SYNE2: variants seen among roughly 807,000 people sequenced by gnomAD.
The protein encoded by SYNE2 is nesprin-2.
A neutral mutation model predicts 856.3 loss-of-function variants in SYNE2; 431 were observed. That is an observed-to-expected ratio of 0.50 (90% confidence interval 0.47 to 0.55). The LOEUF is 0.55. Ranked by LOEUF, SYNE2 falls within the 20% of genes least tolerant of loss-of-function variation. The probability of loss-of-function intolerance (pLI) is 0.00; values close to 1 mark genes in which losing one functional copy is unlikely to be tolerated. For missense variants in SYNE2, 8,129 were observed against 8,023.2 expected (o/e 1.01, Z -0.50); for synonymous variants, 2,923 against 2,872.3 (o/e 1.02, Z -0.56).
At chr14:63,971,426 A>G (rs2096475405) in intron 11 of SYNE2, among the ~76,000 whole-genome samples, 2 of 152,082 alleles carry the variant, frequency 1.3e-5, no homozygotes, top group South Asian at 4.1e-4. Context: ...TTAGAGTTGT[A>G]CAATATCTAA....
intron 71 of SYNE2, among the ~76,000 whole-genome samples, chr14:64,125,758 G>A (rs889670847): frequency 3.3e-5 from 5 of 152,110 alleles, no homozygotes; most frequent in Admixed American, 2.0e-4. Context: ...CTCACCAGGC[G>A]CAATGCATGA....
rs575027831 is a variant in SYNE2 at position 64,024,560 on chromosome 14, A to G, written c.5840+101A>G. 35 of 1,139,530 alleles carry G rather than the reference A, an allele frequency of 3.1e-5. 1 individual carries two copies. In the East Asian group the frequency reaches 7.8e-4, roughly 25 times the overall value. The allele number at this position is 1,139,530 out of a possible 1,614,324, so 70.6% of individuals were successfully genotyped here. On this transcript the variant is annotated intron_variant, in intron 39 of 115. Coordinates refer to ENST00000555002, the MANE Select transcript of SYNE2 (RefSeq NM_182914.3). The stretch of plus-strand genomic sequence containing the variant: ...AGCACTGGGATACGCAGTACACACA[A>G]ATTTCACACACAAAAGGCGTACTTT...
Position 63,990,923 on chromosome 14 carries a change from GAATTTTTT to G in SYNE2, c.2473-18_2473-11del. 1.2e-6 allele frequency: 2 copies of G among 1,612,804 alleles called. No individual in the cohort carries two copies. Among genetic ancestry groups the G allele is most frequent in the Non-Finnish European group, 1.7e-6 (2 of 1,178,918 alleles). On this transcript the variant is annotated splice_polypyrimidine_tract_variant and intron_variant, in intron 20 of 115. Coordinates refer to ENST00000555002, the MANE Select transcript of SYNE2 (RefSeq NM_182914.3). ...AGAATTGGTCCCCGTGTTAATTTGA[GAATTTTTT>G]TGTCTTCAAGATCAATGTGGTAAAA...
chr14:63,910,589 G>A (rs2095461135), intron 2 of SYNE2, among the ~76,000 whole-genome samples: 1 of 152,136 alleles, frequency 6.6e-6, no homozygotes, highest in Non-Finnish European at 1.5e-5. Flanking sequence ...ATGATGTTTT[G>A]GTTGCATGTA....
intron 80 of SYNE2, 68 bp from the exon 81 acceptor site, chr14:64,141,273 G>A: frequency 7.6e-7 from 1 of 1,315,454 alleles, no homozygotes; most frequent in African/African-American, 1.5e-5. Flanking sequence ...ACTCTAGCCA[G>A]TTATTCCGAC....
intron 64 of SYNE2, among the ~76,000 whole-genome samples, chr14:64,105,024 A>G (rs2097762077): frequency 6.6e-6 from 1 of 152,088 alleles, no homozygotes; most frequent in African/African-American, 2.4e-5. Flanking sequence ...TTGGAGTTCT[A>G]CTAGGTGCCT....
At position 64,075,941 on chromosome 14, in the gene SYNE2, T is replaced by C; in HGVS notation, c.10867-4T>C. ...GAGTATTGCAACTCTCTTAATGCTT[T>C]TAGGAGCTTCAAAGCATCCTTAAGA... is the stretch of plus-strand genomic sequence containing the variant. On this transcript the variant is annotated splice_region_variant and splice_polypyrimidine_tract_variant and intron_variant, in intron 53 of 115. Coordinates refer to ENST00000555002, the MANE Select transcript of SYNE2 (RefSeq NM_182914.3). The C allele has an allele frequency of 1.2e-6, 2 of 1,613,658 alleles. No individual in the cohort carries two copies. The highest frequency in any genetic ancestry group is 1.1e-5 in the South Asian group (1 of 91,060).
intron 1 of SYNE2, among the ~76,000 whole-genome samples, chr14:63,772,082 G>A (rs1171435188): frequency 6.6e-6 from 1 of 152,230 alleles, no homozygotes; most frequent in Non-Finnish European, 1.5e-5. Flanking sequence ...GCTGGGTGTG[G>A]TGGCTCATGC....
intron 30 of SYNE2, among the ~76,000 whole-genome samples, chr14:64,005,293 A>G (rs546545019): frequency 1.9e-4 from 29 of 152,320 alleles, no homozygotes; most frequent in Admixed American, 1.6e-3. Context: ...AGACATGGGA[A>G]GTCTGGTTTG....
At chr14:63,877,771 G>A (rs1262839099) in intron 1 of SYNE2, among the ~76,000 whole-genome samples, 2 of 151,992 alleles carry the variant, frequency 1.3e-5, no homozygotes, top group African/African-American at 4.8e-5. Flanking sequence ...TAATCTCTGT[G>A]TCTGTGTCTT....
At chr14:63,989,457 C>T (rs1429276512) in intron 19 of SYNE2, among the ~76,000 whole-genome samples, 2 of 151,962 alleles carry the variant, frequency 1.3e-5, no homozygotes, top group Non-Finnish European at 2.9e-5. Flanking sequence ...TCTACCTCAG[C>T]CTGCCAAGTA....
At chr14:64,221,056 T>C (rs2098691887) in intron 111 of SYNE2, among the ~76,000 whole-genome samples, 1 of 152,164 alleles carries the variant, frequency 6.6e-6, no homozygotes, top group African/African-American at 2.4e-5. Flanking sequence ...ATGGGAATCA[T>C]TCCCATTTTC....
chr14:64,140,728 A>C (rs1171571295), intron 80 of SYNE2, among the ~76,000 whole-genome samples: 1 of 152,220 alleles, frequency 6.6e-6, no homozygotes, highest in Non-Finnish European at 1.5e-5. Flanking sequence ...TGATATTTCT[A>C]CTAAAAAGCT....
intron 37 of SYNE2, 50 bp from the exon 38 acceptor site, chr14:64,022,701 A>G: frequency 1.1e-6 from 1 of 911,176 alleles, no homozygotes; most frequent in Non-Finnish European, 1.8e-6. Flanking sequence ...CTTTAACAAG[A>G]TGTATGAAGT....
chr14:64,144,923 CTT>C (rs573628737), intron 83 of SYNE2, among the ~76,000 whole-genome samples: 5,074 of 116,066 alleles, frequency 0.044, 103 homozygotes, highest in African/African-American at 0.12. Flanking sequence ...ATTGGGGCAG[CTT>C]TTTTTTTTTT....
At chr14:64,209,861 A>G in intron 102 of SYNE2, 81 bp from the exon 103 acceptor site, 3 of 1,585,276 alleles carry the variant, frequency 1.9e-6, no homozygotes, top group Non-Finnish European at 2.6e-6. Flanking sequence ...CCCTGGCAGC[A>G]GGTCGCTTGG....
At chr14:63,895,590 CAAAAAA>C (rs34613830) in intron 1 of SYNE2, among the ~76,000 whole-genome samples, 4 of 88,398 alleles carry the variant, frequency 4.5e-5, no homozygotes, top group African/African-American at 1.7e-4. Flanking sequence ...CTGTCTCTAT[CAAAAAA>C]AAAAAAAAAA....
intron 1 of SYNE2, among the ~76,000 whole-genome samples, chr14:63,825,265 A>G (rs1234079582): frequency 6.6e-6 from 1 of 152,168 alleles, no homozygotes; most frequent in Admixed American, 6.6e-5. Context: ...GTAGCACTGG[A>G]GTGAGATCAA....
In SYNE2 at chr14:63,971,579, AT is replaced by A. The variant is rs751997735; in HGVS notation, c.1128+3747del. Among the ~76,000 whole-genome samples the A allele has an allele frequency of 5.4e-3, 767 of 142,052 alleles. 1 individual carries two copies. The highest frequency in any genetic ancestry group is 0.011 in the East Asian group (53 of 4,944). 93.2% of individuals were successfully genotyped at this position (142,052 alleles called of 152,430 possible). On this transcript the variant is annotated intron_variant, in intron 11 of 115. Transcript: ENST00000555002. The stretch of plus-strand genomic sequence containing the variant: ...TTAAAATCCTCAGGACCATGTTATC[AT>A]TTTTTTTTTTTTTGCTCTAAACAAC...
Sources: allele counts gnomAD v4.1 joint callset (sites outside exome capture counted in the v4.1 genomes callset), GRCh38; gene constraint gnomAD v4.1.1; transcripts MANE v1.5; gene names NCBI Gene and HGNC (gene_info 2026-07-23, HGNC 2026-07-21).